Variants in ULK3 observed in about 807,000 individuals in gnomAD.
ULK3 encodes the protein serine/threonine-protein kinase ULK3.
Under a neutral mutation model 69.4 loss-of-function variants are expected in ULK3, and 54 were observed. The ratio of observed to expected loss-of-function variants is 0.78; its 90% CI spans 0.63 to 0.98. The LOEUF is 0.98. Among genes scored for constraint, ULK3 ranks in the 50% least tolerant of loss-of-function variants. The pLI is 0.00. For synonymous variants in ULK3, 240 were observed against 254.5 expected, an observed-to-expected ratio of 0.94 and a Z score of 0.54; for missense variants, 558 against 627.7, an observed-to-expected ratio of 0.89 and a Z score of 1.19.
At position 74,842,624 on chromosome 15, in the gene ULK3, C is replaced by T. The variant is rs758151763; in HGVS notation, c.103-204G>A. ...TGGAATCCTGGCTTCCCGACACAGCCTCAGCCTGGTCTTCTCCAACCCTCG... is the reference window on the plus strand; with the variant it reads ...TGGAATCCTGGCTTCCCGACACAGCTTCAGCCTGGTCTTCTCCAACCCTCG... On this transcript the variant is annotated intron_variant, in intron 1 of 15. Transcript: ENST00000440863. This position sits in a 1 kb window ranked among gnomAD's most constrained non-coding sequence, Gnocchi z 4.9. 4 of 1,539,796 alleles carry T rather than the reference C, an allele frequency of 2.6e-6. No homozygotes were observed. The Admixed American group carries it at 7.8e-5, about 30-fold the overall frequency.
In ULK3 at chr15:74,837,216, A is replaced by T. The variant is rs758561106; in HGVS notation, c.*12T>A. 2.3e-5 allele frequency: 36 copies of T among 1,549,956 alleles called. No homozygotes were observed. Among genetic ancestry groups the T allele is most frequent in the Non-Finnish European group, 3.1e-5 (35 of 1,146,410 alleles). On this transcript the variant is annotated 3_prime_UTR_variant, in exon 16 of 16. Coordinates refer to ENST00000440863, the MANE Select transcript of ULK3 (RefSeq NM_001099436.4). ...CCAGATGGCTCACATCTGTCCAATC[A>T]TTCTTCTAGGGTCACTGAAGGGTGC...
chr15:74,841,573 C>T (rs1334596655), intron 3 of ULK3, 64 bp from the exon 4 acceptor site: 21 of 1,403,196 alleles, frequency 1.5e-5, no homozygotes, highest in Non-Finnish European at 2.0e-5. Flanking sequence ...TCTCGCCTCC[C>T]CGGCTCACAT....
rs771371851 is a variant in ULK3 at position 74,841,417 on chromosome 15, G to C, written c.457C>G (p.Leu153Val). 1.9e-5 allele frequency: 31 copies of C among 1,613,684 alleles called. No individual in the cohort carries two copies. The highest frequency in any genetic ancestry group is 4.2e-6 in the Non-Finnish European group (5 of 1,179,784). Residue 153 changes from leucine to valine, a missense_variant, in exon 4 of 16, where the codon CTA becomes GTA. Leu to Val is a conservative substitution (Grantham distance 32, BLOSUM62 1). Coordinates refer to ENST00000440863, the MANE Select transcript of ULK3 (RefSeq NM_001099436.4). Reference protein sequence around the residue: ...ILLSSLEKPHLKLADFGFAQH... With the variant: ...ILLSSLEKPHVKLADFGFAQH... ...TTCAGACACAGACCTGCCAGTTTTA[G>C]GTGGGGCTTCTCCAAGGAGCTCAGT... is the stretch of plus-strand genomic sequence containing the variant.
rs543906533 is a variant in ULK3, at chr15:74,839,216, T to C, written c.958+52A>G. 6 of 1,538,614 alleles carry C rather than the reference T, an allele frequency of 3.9e-6. No homozygotes were observed. In the South Asian group the frequency reaches 6.0e-5, roughly 15 times the overall value. ...GGAATCCACCTACTGCAGCCACAGA[T>C]GACTCCCATCCCTGCTGCACCCACG... On this transcript the variant is annotated intron_variant, in intron 8 of 15. Transcript: ENST00000440863.
chr15:74,841,505 G>A lies in ULK3; in HGVS notation c.369C>T (p.Ser123=), dbSNP rs768091526. 1.3e-5 allele frequency: 21 copies of A among 1,613,590 alleles called. No individual in the cohort carries two copies. The highest frequency in any genetic ancestry group is 1.1e-4 in the East Asian group (5 of 44,902). The change falls in exon 4 of 16, where the codon AGC becomes AGT. Residue 123 remains serine (S), a synonymous_variant. Coordinates refer to ENST00000440863, the MANE Select transcript of ULK3 (RefSeq NM_001099436.4). Reference sequence around the variant, plus strand: ...TCCGTTCATGCAGGAATTGCAGGGCGCTAGCTGAGGAGCAGGACCCACGAA... The same window carrying A: ...TCCGTTCATGCAGGAATTGCAGGGCACTAGCTGAGGAGCAGGACCCACGAA... ...VARVFMQQLA[S]ALQFLHERNI...
Position 74,842,870 on chromosome 15 carries a change from C to A in ULK3, c.102+134G>T. On this transcript the variant is annotated intron_variant, in intron 1 of 15. Coordinates refer to ENST00000440863, the MANE Select transcript of ULK3 (RefSeq NM_001099436.4). This position sits in a 1 kb window ranked among gnomAD's most constrained non-coding sequence, Gnocchi z 4.9. ...GCGTGGCAGTCGGCTCCAACCTCCG[C>A]CGAGGGTCAGCTGGGGCGAGGCCGG... is the stretch of plus-strand genomic sequence containing the variant. The A allele has an allele frequency of 7.5e-7, 1 of 1,328,620 alleles. No homozygotes were observed. Among genetic ancestry groups the A allele is most frequent in the Non-Finnish European group, 1.0e-6 (1 of 987,634 alleles). 82.3% of individuals were successfully genotyped at this position (1,328,620 alleles called of 1,614,324 possible). A position where few individuals can be genotyped will look rare whatever the true frequency, so the allele number is the denominator to read the frequency against.
At chr15:74,838,964 G>C in intron 9 of ULK3, 46 bp downstream of exon 9, 2 of 1,572,366 alleles carry the variant, frequency 1.3e-6, no homozygotes, top group Non-Finnish European at 1.7e-6. Context: ...AGATCTCCGG[G>C]CCTTACCCCC....
At position 74,839,638 on chromosome 15, in the gene ULK3, G is replaced by A. The variant is rs1333795238; in HGVS notation, c.772C>T (p.Arg258Cys). Residue 258 changes from arginine (R) to cysteine (C), a missense_variant, in exon 7 of 16, where the codon CGC (arginine) becomes TGC (cysteine). Transcript: ENST00000440863. The part of the protein sequence containing the change: ...QRLLERDPSR[R>C]ISFQDFFAHP... ...GCAAAAAAGTCCTGGAAGGAGATGC[G>A]ACGGCTGGGGTCCCGCTCCAGGAGC... The A allele has an allele frequency of 3.9e-6, 6 of 1,555,748 alleles. No homozygotes were observed. The East Asian group carries it at 7.2e-5, about 19-fold the overall frequency.
chr15:74,843,050 C>A lies in ULK3; in HGVS notation c.56G>T (p.Arg19Leu), dbSNP rs1305383527. Residue 19 changes from arginine to leucine, a missense_variant, in exon 1 of 16, where the codon CGC (arginine) becomes CTC (leucine). Arg to Leu is a moderately radical substitution (Grantham distance 102). Coordinates refer to ENST00000440863, the MANE Select transcript of ULK3 (RefSeq NM_001099436.4). ...CGTGGCGTACGTGCCGCTGCCCAGG[C>A]GCTCGGTGAGGATGAAGCCGTCCAG... ...PRLDGFILTE[R>L]LGSGTYATVY... The A allele has an allele frequency of 4.6e-6, 7 of 1,525,946 alleles. No individual in the cohort carries two copies. The highest frequency in any genetic ancestry group is 6.2e-6 in the Non-Finnish European group (7 of 1,134,864). 94.5% of individuals were successfully genotyped at this position (1,525,946 alleles called of 1,614,324 possible). A position where few individuals can be genotyped will look rare whatever the true frequency, so the allele number is the denominator to read the frequency against.
chr15:74,838,997 G>A lies in ULK3; in HGVS notation c.999+13C>T. The A allele has an allele frequency of 6.3e-7, 1 of 1,598,746 alleles. No homozygotes were observed. The highest frequency in any genetic ancestry group is 8.5e-7 in the Non-Finnish European group (1 of 1,172,948). ...CCCTGCCCCCCCACTTCCTCATGGG[G>A]ACTCTCACCCACCTTTGCCTTAATT... On this transcript the variant is annotated intron_variant, in intron 9 of 15. Coordinates refer to ENST00000440863, the MANE Select transcript of ULK3 (RefSeq NM_001099436.4).
chr15:74,840,831 T>C, intron 4 of ULK3, 190 bp from the exon 5 acceptor site: 1 of 728,820 alleles, frequency 1.4e-6, no homozygotes, highest in Non-Finnish European at 2.1e-6. Context: ...CTACCCATCC[T>C]TCCCAGCTCC....
rs74025855 is a variant in ULK3 at position 74,837,268 on chromosome 15, G to C, written c.1403-24C>G. On this transcript the variant is annotated intron_variant, in intron 15 of 15. Coordinates refer to ENST00000440863, the MANE Select transcript of ULK3 (RefSeq NM_001099436.4). ...AGCTACGGGGGTGAGGGGGACAATG[G>C]GGGAGGGTCAGTCTCAGGTCTTTGG... 2.2e-3 allele frequency: 3,493 copies of C among 1,602,622 alleles called. 57 individuals are homozygous for C. In the African/African-American group the frequency reaches 0.041, roughly 19 times the overall value.
chr15:74,837,727 C>G (rs1334368401), intron 14 of ULK3, 24 bp downstream of exon 14: 1 of 1,585,996 alleles, frequency 6.3e-7, no homozygotes, highest in South Asian at 1.1e-5. Flanking sequence ...GACCCTAGCC[C>G]CAGCGTGGCC....
At chr15:74,838,034 C>T in intron 13 of ULK3, 118 bp downstream of exon 13, 1 of 1,459,724 alleles carries the variant, frequency 6.9e-7, no homozygotes, top group Non-Finnish European at 9.2e-7. Context: ...GTTTGACTTC[C>T]AGACTTGGAA....
chr15:74,837,962 A>C, intron 13 of ULK3, 164 bp from the exon 14 acceptor site: 1 of 1,222,828 alleles, frequency 8.2e-7, no homozygotes, highest in East Asian at 2.6e-5. Context: ...AAGCCTTCCC[A>C]GACTTTTTGC....
rs1453813245 is a variant in ULK3, at chr15:74,840,523, G to C, written c.588C>G (p.Leu196=). 6.2e-7 allele frequency: 1 copy of C among 1,609,518 alleles called. No homozygotes were observed. The change falls in exon 5 of 16, where the codon CTC becomes CTG. Residue 196 remains leucine (L), a synonymous_variant. Transcript: ENST00000440863. The part of the protein sequence containing the change: ...CQRQYDARVD[L]WSMGVILYEA... The stretch of plus-strand genomic sequence containing the variant: ...CATACAGGATGACCCCCATGGACCA[G>C]AGGTCCACGCGGGCGTCATACTGCC...
At chr15:74,838,790 C>T (rs781464092) in intron 9 of ULK3, 45 bp from the exon 10 acceptor site, 204 of 1,538,172 alleles carry the variant, frequency 1.3e-4, no homozygotes, top group Middle Eastern at 3.4e-4. Context: ...TCACCAGCTA[C>T]CCTTGCCAGA....
chr15:74,842,522 T>G lies in ULK3; in HGVS notation c.103-102A>C. ...TCCCTCTGTTCCCCCACCCCGCCCC[T>G]CCCCGGGTCTACCTACTGCACACCA... On this transcript the variant is annotated intron_variant, in intron 1 of 15. Transcript: ENST00000440863. The surrounding 1 kb of genome is among the most constrained non-coding windows in gnomAD (Gnocchi z 4.9). 6.5e-6 allele frequency: 6 copies of G among 928,430 alleles called. No individual in the cohort carries two copies. Among genetic ancestry groups the G allele is most frequent in the Non-Finnish European group, 6.3e-6 (4 of 631,368 alleles). 57.5% of individuals were successfully genotyped at this position (928,430 alleles called of 1,614,324 possible). A position where few individuals can be genotyped will look rare whatever the true frequency, so the allele number is the denominator to read the frequency against.
At chr15:74,838,607 T>C (rs2064119139) in intron 10 of ULK3, 36 bp downstream of exon 10, 2 of 1,591,644 alleles carry the variant, frequency 1.3e-6, no homozygotes, top group Non-Finnish European at 1.7e-6. Flanking sequence ...GGAGGTTTGC[T>C]GGGGGCCCTG....
Sources: allele counts gnomAD v4.1 joint callset, GRCh38; gene constraint gnomAD v4.1.1; non-coding constraint Gnocchi (gnomAD v3.1); transcripts MANE v1.5; gene names NCBI Gene and HGNC (gene_info 2026-07-23, HGNC 2026-07-21).